TNS1: variants seen among roughly 807,000 people sequenced by gnomAD.
The protein encoded by TNS1 is tensin 1.
A neutral mutation model predicts 168.6 loss-of-function variants in TNS1; 62 were observed. The observed-to-expected ratio is 0.37, with a 90% CI of 0.30 to 0.45. The LOEUF is 0.45. TNS1 is among the 20% of genes least tolerant of loss of function. The pLI, the probability that TNS1 is intolerant of heterozygous loss-of-function variation, is 1.00. For synonymous variants in TNS1, 934 were observed against 933.2 expected, an observed-to-expected ratio of 1.00 and a Z score of -0.02; for missense variants, 2,240 against 2,339.4, an observed-to-expected ratio of 0.96 and a Z score of 0.88.
At chr2:218,020,642 T>A (rs1226764554) in intron 1 of TNS1, among the ~76,000 whole-genome samples, 1 of 152,108 alleles carries the variant, frequency 6.6e-6, no homozygotes, top group Non-Finnish European at 1.5e-5. Context: ...AAGAAGAACT[T>A]CTGTGTCCAG....
chr2:217,998,788 T>A (rs530677667), intron 1 of TNS1, among the ~76,000 whole-genome samples: 7 of 152,328 alleles, frequency 4.6e-5, no homozygotes, highest in African/African-American at 1.4e-4. Context: ...GTGTGACCAC[T>A]GTGCCTGGCC....
At chr2:217,991,299 G>A (rs1207566200) in intron 1 of TNS1, among the ~76,000 whole-genome samples, 28 of 151,902 alleles carry the variant, frequency 1.8e-4, no homozygotes, top group Admixed American at 1.8e-3. Flanking sequence ...CCAGCTCCAG[G>A]GACCTGCAGC....
At chr2:218,001,417 G>A (rs1958560722) in intron 1 of TNS1, among the ~76,000 whole-genome samples, 1 of 152,132 alleles carries the variant, frequency 6.6e-6, no homozygotes, top group African/African-American at 2.4e-5. Flanking sequence ...TCAGTCAGCT[G>A]AAGGGATCTA....
chr2:217,907,330 C>A, intron 4 of TNS1, 79 bp from the exon 5 acceptor site: 1 of 694,428 alleles, frequency 1.4e-6, no homozygotes, highest in South Asian at 1.5e-5. Context: ...GGCTAGTGGC[C>A]CTGATGGGCA....
At chr2:217,951,763 C>T (rs1305163002) in intron 3 of TNS1, among the ~76,000 whole-genome samples, 2 of 152,168 alleles carry the variant, frequency 1.3e-5, no homozygotes, top group Non-Finnish European at 2.9e-5. Context: ...AAGCTTTATT[C>T]AACACACACA....
intron 18 of TNS1, among the ~76,000 whole-genome samples, chr2:217,868,127 G>A (rs1299853954): frequency 6.6e-6 from 1 of 152,246 alleles, no homozygotes; most frequent in Non-Finnish European, 1.5e-5. Context: ...ATGAAGAAGC[G>A]AATGTGACTG....
chr2:217,876,199 G>A (rs1950184965), intron 18 of TNS1, among the ~76,000 whole-genome samples: 1 of 152,222 alleles, frequency 6.6e-6, no homozygotes, highest in African/African-American at 2.4e-5. Flanking sequence ...CTCAGAGGCA[G>A]AGGGCAGTCC....
At chr2:217,809,489 A>ATGGG (rs1940283553) in intron 30 of TNS1, among the ~76,000 whole-genome samples, 2 of 5,160 alleles carry the variant, frequency 3.9e-4, no homozygotes, top group Admixed American at 2.5e-3. Context: ...GGATGGATGG[A>ATGGG]TGCATGGATG....
At chr2:217,886,422 ACT>A (rs1402457502) in intron 13 of TNS1, 110 bp downstream of exon 13, 11 of 854,240 alleles carry the variant, frequency 1.3e-5, no homozygotes, top group African/African-American at 8.4e-5. Context: ...AGGCCTTATG[ACT>A]CTGCAGCTCT....
chr2:218,018,687 C>A (rs898726259), intron 1 of TNS1, among the ~76,000 whole-genome samples: 7 of 152,158 alleles, frequency 4.6e-5, no homozygotes, highest in African/African-American at 1.4e-4. Context: ...AGCTGGGAAG[C>A]AACTGGGGAA....
At chr2:217,900,534 C>T (rs1373328597) in intron 6 of TNS1, 22 bp from the exon 7 acceptor site, 9 of 1,535,486 alleles carry the variant, frequency 5.9e-6, no homozygotes, top group Non-Finnish European at 7.9e-6. Flanking sequence ...AGAAGAGAAG[C>T]AGCATTATGC....
intron 18 of TNS1, among the ~76,000 whole-genome samples, chr2:217,856,678 G>C (rs957971433): frequency 2.6e-5 from 4 of 152,204 alleles, no homozygotes; most frequent in African/African-American, 9.6e-5. Flanking sequence ...CACGTAAAAA[G>C]ATTTTTTGGT....
intron 1 of TNS1, among the ~76,000 whole-genome samples, chr2:218,016,071 G>A (rs779359005): frequency 3.3e-5 from 5 of 152,108 alleles, no homozygotes; most frequent in Non-Finnish European, 5.9e-5. Context: ...GGGCAGGGGA[G>A]GGCCCAGTCT....
rs144310884 is a variant in TNS1, at chr2:217,819,811, A to G, written c.3573-1052T>C. On this transcript the variant is annotated intron_variant, in intron 23 of 32. Transcript: ENST00000682258. ...ATAAACTAGTATGTAGGGAGGGAGC[A>G]GGCAGGCTGTGCACCAGGAACCCCC... is the stretch of plus-strand genomic sequence containing the variant. Among the ~76,000 whole-genome samples the G allele has an allele frequency of 2.5e-4, 38 of 152,238 alleles. No individual in the cohort carries two copies. In the East Asian group the frequency reaches 3.7e-3, roughly 15 times the overall value.
In TNS1 at chr2:217,891,011, G is replaced by A. The variant is rs750588464; in HGVS notation, c.817C>T (p.Arg273Trp). 1.2e-5 allele frequency: 19 copies of A among 1,614,088 alleles called. No homozygotes were observed. Among genetic ancestry groups the A allele is most frequent in the East Asian group, 6.7e-5 (3 of 44,886 alleles). The change falls in exon 12 of 33, where the codon CGG (arginine) becomes TGG (tryptophan). Residue 273 changes from arginine (R) to tryptophan (W), a missense_variant. Physicochemically the swap from Arg to Trp is moderately radical, Grantham distance 101. This residue lies in a region of TNS1 where 2,131 missense variants were observed against 2,171.2 expected (regional missense o/e 0.98). Transcript: ENST00000682258. ...DQALDRFAMK[R>W]FYEDKIVPIG... ...GGCACAATCTTATCCTCATAGAACC[G>A]CTTCATTGCAAACCGGTCCAGAGCC...
At chr2:217,841,976 C>A in intron 19 of TNS1, 1 of 671,084 alleles carries the variant, frequency 1.5e-6, no homozygotes, top group South Asian at 1.6e-5. Context: ...ACTTCTAACC[C>A]ACCTTCACAC....
rs779047819 is a variant in TNS1 at position 217,818,071 on chromosome 2, A to C, written c.4261T>G (p.Leu1421Val). The C allele has an allele frequency of 1.9e-6, 3 of 1,612,188 alleles. No individual in the cohort carries two copies. Among genetic ancestry groups the C allele is most frequent in the Non-Finnish European group, 1.7e-6 (2 of 1,179,140 alleles). Residue 1421 changes from leucine (L) to valine (V), a missense_variant, in exon 24 of 33, where the codon TTG becomes GTG. This residue lies in a region of TNS1 where 2,131 missense variants were observed against 2,171.2 expected (regional missense o/e 0.98). Transcript: ENST00000682258. Reference sequence around the variant, plus strand: ...CCACCATAGGCCACATGCCGGTCCAAGCAGGGGCTGCCGGGAACCACAGAT... The same window carrying C: ...CCACCATAGGCCACATGCCGGTCCACGCAGGGGCTGCCGGGAACCACAGAT... The part of the protein sequence containing the change: ...SGSVVPGSPC[L>V]DRHVAYGGYS...
At chr2:217,831,763 A>G (rs923750253) in intron 21 of TNS1, among the ~76,000 whole-genome samples, 2 of 152,158 alleles carry the variant, frequency 1.3e-5, no homozygotes, top group African/African-American at 4.8e-5. Context: ...AGACTCAGGA[A>G]ATGGCAACCT....
intron 1 of TNS1, among the ~76,000 whole-genome samples, chr2:218,031,536 TGC>T (rs148379217): frequency 0.24 from 35,003 of 147,286 alleles, 5,073 homozygotes; most frequent in East Asian, 0.41. Flanking sequence ...AGTGTGTGTG[TGC>T]CTGTGTGTAT....
Sources: gnomAD v4.1 joint callset for allele counts (sites outside exome capture counted in the v4.1 genomes callset) on GRCh38, gnomAD v4.1.1 for gene constraint, gnomAD v4.1.1 regional missense constraint, MANE v1.5 for transcripts, NCBI Gene and HGNC (gene_info 2026-07-23, HGNC 2026-07-21) for gene names.